The following CDH23 variants were observed in gnomAD, a reference collection of about 807,000 sequenced individuals.
The protein encoded by CDH23 is cadherin related 23, also known as cadherin-23.
Under a neutral mutation model 317.1 loss-of-function variants are expected in CDH23, and 189 were observed. That is an observed-to-expected ratio of 0.60 (90% CI 0.53 to 0.67). CDH23 has a LOEUF of 0.67. Among genes scored for constraint, CDH23 ranks in the 30% least tolerant of loss-of-function variants. CDH23 has a pLI of 0.00. For synonymous variants in CDH23, 1,839 were observed against 1,876.8 expected (o/e 0.98, Z 0.52); for missense variants, 4,401 against 4,592.4 (o/e 0.96, Z 1.20).
At chr10:71,761,529 T>G in intron 38 of CDH23, 1 of 1,460,136 alleles carries the variant, frequency 6.8e-7, no homozygotes, top group Non-Finnish European at 9.1e-7. Flanking sequence ...CACAGTGTCA[T>G]GAATGGTCAC....
chr10:71,423,176 G>A (rs186669956), intron 1 of CDH23, among the ~76,000 whole-genome samples: 147 of 152,296 alleles, frequency 9.7e-4, no homozygotes, highest in Non-Finnish European at 1.3e-3. Context: ...AGAGACAGGC[G>A]TGTGCACACA....
At chr10:71,779,517 G>T (rs2132930289) in intron 41 of CDH23, 70 bp downstream of exon 41, 1 of 1,377,930 alleles carries the variant, frequency 7.3e-7, no homozygotes, top group East Asian at 2.4e-5. Context: ...GGATAAGAAG[G>T]GAGGTCTCAA....
intron 16 of CDH23, among the ~76,000 whole-genome samples, 185 bp from the exon 17 acceptor site, chr10:71,679,202 C>T (rs556954469): frequency 3.9e-5 from 6 of 152,266 alleles, no homozygotes; most frequent in African/African-American, 7.2e-5. Flanking sequence ...AGCCAGAGTG[C>T]GGCCTCCAGT....
intron 44 of CDH23, among the ~76,000 whole-genome samples, chr10:71,788,460 T>C (rs1253997538): frequency 6.6e-6 from 1 of 152,040 alleles, no homozygotes; most frequent in Non-Finnish European, 1.5e-5. Context: ...TTTTTTCTTT[T>C]TTTCTTTTTT....
intron 49 of CDH23, 83 bp from the exon 50 acceptor site, chr10:71,798,271 C>G: frequency 9.7e-7 from 1 of 1,029,884 alleles, no homozygotes; most frequent in East Asian, 2.5e-5. Flanking sequence ...CCATGCTCAC[C>G]CGGCTTGGCT....
At chr10:71,641,297 C>T (rs61851982) in intron 11 of CDH23, among the ~76,000 whole-genome samples, 13,956 of 152,208 alleles carry the variant, frequency 0.092, 834 homozygotes, top group Non-Finnish European at 0.13. Flanking sequence ...CTTTTTAGAA[C>T]GCCACTGGTG....
chr10:71,609,999 A>T (rs1024831750), intron 9 of CDH23, among the ~76,000 whole-genome samples: 17 of 144,828 alleles, frequency 1.2e-4, no homozygotes, highest in African/African-American at 3.3e-4. Context: ...TGTGTGTGAG[A>T]GAGACAGAGA....
intron 12 of CDH23, among the ~76,000 whole-genome samples, chr10:71,644,897 G>A (rs566540005): frequency 5.9e-5 from 9 of 152,320 alleles, no homozygotes; most frequent in African/African-American, 1.9e-4. Flanking sequence ...GGGAGTCTGG[G>A]GGCGCAGGTG....
At position 71,812,360 on chromosome 10, in the gene CDH23, C is replaced by T. The variant is rs372816568; in HGVS notation, c.9381-120C>T. 9.4e-6 allele frequency: 15 copies of T among 1,600,522 alleles called. No individual in the cohort carries two copies. In the Admixed American group the frequency reaches 1.5e-4, roughly 16 times the overall value. ...CCACAGGCACCAGGGCCTCACACCC[C>T]AAGTCAGTGAAAGGCACTATATGGC... On this transcript the variant is annotated intron_variant, in intron 66 of 69. Transcript: ENST00000224721.
At position 71,810,419 on chromosome 10, in the gene CDH23, C is replaced by G. The variant is rs1589437358; in HGVS notation, c.8980-53C>G. On this transcript the variant is annotated intron_variant, in intron 61 of 69. Transcript: ENST00000224721. The stretch of plus-strand genomic sequence containing the variant: ...GGTTCCTAAAAGAGGCCTGCCCATC[C>G]CTGTGGCCCCCTGCTGTGGTGGCCA... The G allele has an allele frequency of 2.6e-6, 4 of 1,533,686 alleles. No homozygotes were observed. The Admixed American group carries it at 6.7e-5, about 26-fold the overall frequency.
intron 28 of CDH23, among the ~76,000 whole-genome samples, chr10:71,718,130 C>T (rs755357313): frequency 2.0e-5 from 3 of 152,186 alleles, no homozygotes; most frequent in Non-Finnish European, 4.4e-5. Flanking sequence ...TCCCAGCTTG[C>T]AGCTTAGATA....
At chr10:71,428,157 T>G (rs1849197469) in intron 1 of CDH23, among the ~76,000 whole-genome samples, 1 of 128,022 alleles carries the variant, frequency 7.8e-6, no homozygotes, top group Non-Finnish European at 1.7e-5. Flanking sequence ...TTTTTTTTTT[T>G]GAAACAGAGT....
chr10:71,760,060 TATAC>T (rs781589171), intron 38 of CDH23, among the ~76,000 whole-genome samples: 1,607 of 94,616 alleles, frequency 0.017, 420 homozygotes, highest in Non-Finnish European at 0.026. Flanking sequence ...CACACATATA[TATAC>T]ACACACACAT....
At chr10:71,613,543 G>A (rs1323076819) in intron 9 of CDH23, among the ~76,000 whole-genome samples, 2 of 152,220 alleles carry the variant, frequency 1.3e-5, no homozygotes, top group African/African-American at 4.8e-5. Flanking sequence ...AGGTGAGAGT[G>A]GCCACTAGCC....
intron 17 of CDH23, among the ~76,000 whole-genome samples, chr10:71,681,041 T>A (rs1052196170): frequency 6.6e-6 from 1 of 151,610 alleles, no homozygotes; most frequent in African/African-American, 2.4e-5. Context: ...TTGGCCAGGC[T>A]GGTCTTGAAC....
intron 1 of CDH23, among the ~76,000 whole-genome samples, chr10:71,402,649 A>T (rs1189325615): frequency 1.3e-5 from 2 of 150,736 alleles, no homozygotes; most frequent in African/African-American, 4.9e-5. Flanking sequence ...AGAGGTGAAA[A>T]CTCTTCTTAT....
intron 16 of CDH23, among the ~76,000 whole-genome samples, chr10:71,678,668 C>T (rs563125059): frequency 2.6e-5 from 4 of 152,290 alleles, no homozygotes; most frequent in South Asian, 2.1e-4. Context: ...CAGGTGTACC[C>T]GGAGTGGTGG....
At chr10:71,544,180 C>T (rs558544608) in intron 6 of CDH23, among the ~76,000 whole-genome samples, 10 of 152,198 alleles carry the variant, frequency 6.6e-5, no homozygotes, top group African/African-American at 2.4e-4. Flanking sequence ...TGGTTTTTAC[C>T]GAACTCTGGT....
In CDH23 at chr10:71,510,499, C is replaced by A. The variant is rs114968883; in HGVS notation, c.288+275C>A. On this transcript the variant is annotated intron_variant, in intron 4 of 69. Coordinates refer to ENST00000224721, the MANE Select transcript of CDH23 (RefSeq NM_022124.6). Reference sequence around the variant, plus strand: ...CTGTGTTCATCCCTTGTAGAATGGCCCTCCATGGAGGGTACAAGTCTACCC... The same window carrying A: ...CTGTGTTCATCCCTTGTAGAATGGCACTCCATGGAGGGTACAAGTCTACCC... 7.1e-3 allele frequency among the ~76,000 whole-genome samples: 1,082 copies of A among 152,108 alleles called. 9 individuals are homozygous for A. Among genetic ancestry groups the A allele is most frequent in the African/African-American group, 0.025 (1,040 of 41,466 alleles).
Sources: allele counts gnomAD v4.1 joint callset (sites outside exome capture counted in the v4.1 genomes callset), GRCh38; gene constraint gnomAD v4.1.1; transcripts MANE v1.5; gene names NCBI Gene and HGNC (gene_info 2026-07-23, HGNC 2026-07-21).